Variants in GRID2 observed in about 807,000 individuals in gnomAD.
GRID2 encodes glutamate receptor ionotropic, delta-2.
GRID2 carries 33 observed loss-of-function variants against 114.8 expected under a neutral mutation model. That is an observed-to-expected ratio of 0.29 (90% CI 0.22 to 0.38). GRID2 has a LOEUF of 0.38. GRID2 is among the 10% of genes least tolerant of loss of function. The probability of loss-of-function intolerance (pLI) is 1.00; values close to 1 mark genes in which losing one functional copy is unlikely to be tolerated. For synonymous variants in GRID2, 505 were observed against 449.9 expected, an observed-to-expected ratio of 1.12 and a Z score of -1.55; for missense variants, 1,184 against 1,257.7, an observed-to-expected ratio of 0.94 and a Z score of 0.89.
intron 13 of GRID2, among the ~76,000 whole-genome samples, chr4:93,592,073 T>C (rs1384141476): frequency 2.0e-5 from 3 of 152,146 alleles, no homozygotes; most frequent in African/African-American, 7.2e-5. Context: ...CTGCTCTGAT[T>C]TTAGTTATTT....
intron 2 of GRID2, among the ~76,000 whole-genome samples, chr4:92,806,165 C>T (rs948468249): frequency 1.8e-4 from 19 of 106,116 alleles, no homozygotes; most frequent in Non-Finnish European, 1.5e-4. Flanking sequence ...AATAGGCTAT[C>T]GACACACACA....
At chr4:92,352,455 A>C (rs933175796) in intron 1 of GRID2, among the ~76,000 whole-genome samples, 6 of 151,876 alleles carry the variant, frequency 4.0e-5, no homozygotes, top group Middle Eastern at 3.4e-3. Context: ...TATTTTTCCC[A>C]TTCTGCAGGT....
chr4:93,756,765 T>C (rs138462496), intron 14 of GRID2, among the ~76,000 whole-genome samples: 1 of 152,328 alleles, frequency 6.6e-6, no homozygotes, highest in African/African-American at 2.4e-5. Flanking sequence ...ATTGAGTGCT[T>C]TTGTTTTTTA....
At chr4:92,711,925 A>G (rs1366750653) in intron 2 of GRID2, among the ~76,000 whole-genome samples, 2 of 152,174 alleles carry the variant, frequency 1.3e-5, no homozygotes, top group Admixed American at 6.5e-5. Context: ...AATGAAATAA[A>G]GAGTTCATGT....
At chr4:93,014,878 A>G (rs931068810) in intron 2 of GRID2, among the ~76,000 whole-genome samples, 5 of 152,122 alleles carry the variant, frequency 3.3e-5, no homozygotes, top group Non-Finnish European at 1.5e-5. Flanking sequence ...GAAATAGTGG[A>G]TCTGGGGGGT....
At chr4:92,539,026 A>G (rs1419769778) in intron 1 of GRID2, among the ~76,000 whole-genome samples, 1 of 147,332 alleles carries the variant, frequency 6.8e-6, no homozygotes, top group African/African-American at 2.6e-5. Flanking sequence ...TGGGCGACAG[A>G]GCAAGACTCC....
At chr4:92,758,809 G>A (rs943435787) in intron 2 of GRID2, among the ~76,000 whole-genome samples, 1 of 151,962 alleles carries the variant, frequency 6.6e-6, no homozygotes, top group African/African-American at 2.4e-5. Context: ...AGTCCATGCA[G>A]GACAGACTTA....
At chr4:92,861,295 TTAATCTCCC>T (rs1197612325) in intron 2 of GRID2, among the ~76,000 whole-genome samples, 1 of 152,148 alleles carries the variant, frequency 6.6e-6, no homozygotes, top group Non-Finnish European at 1.5e-5. Context: ...AGGCTCATCC[TTAATCTCCC>T]TATCGAAAAG....
At chr4:92,844,645 A>G (rs2149414208) in intron 2 of GRID2, among the ~76,000 whole-genome samples, 1 of 150,544 alleles carries the variant, frequency 6.6e-6, no homozygotes, top group Non-Finnish European at 1.5e-5. Flanking sequence ...ATAGCAAATG[A>G]TGAAAATTTC....
intron 3 of GRID2, among the ~76,000 whole-genome samples, chr4:93,098,879 C>G (rs1274164449): frequency 6.6e-6 from 1 of 151,610 alleles, no homozygotes; most frequent in African/African-American, 2.4e-5. Flanking sequence ...CTTACCATAT[C>G]CTCACCTCTA....
At chr4:93,339,444 G>A (rs370759417) in intron 8 of GRID2, among the ~76,000 whole-genome samples, 8 of 152,088 alleles carry the variant, frequency 5.3e-5, no homozygotes, top group African/African-American at 1.7e-4. Flanking sequence ...GCTGCAAGCC[G>A]AGAATGCCAA....
intron 2 of GRID2, among the ~76,000 whole-genome samples, chr4:92,767,208 T>C (rs951822906): frequency 2.1e-4 from 32 of 152,204 alleles, no homozygotes; most frequent in African/African-American, 7.5e-4. Context: ...TTGAAAGCAA[T>C]ATCTGGAGGA....
intron 4 of GRID2, among the ~76,000 whole-genome samples, chr4:93,170,669 A>T (rs1174767392): frequency 1.3e-5 from 2 of 152,150 alleles, no homozygotes; most frequent in East Asian, 1.9e-4. Context: ...CATAAATCCA[A>T]TTCCCAGAAA....
At position 93,225,946 on chromosome 4, in the gene GRID2, G is replaced by A. The variant is rs201617438; in HGVS notation, c.1125+1171G>A. On this transcript the variant is annotated intron_variant, in intron 7 of 15. Transcript: ENST00000282020. ...GCTGAGCAGCTGCACAAGATAGAGC[G>A]AAAAAGGGGGCCAAGACTTCCTGGA... is the stretch of plus-strand genomic sequence containing the variant. Among the ~76,000 whole-genome samples the A allele has an allele frequency of 1.4e-4, 22 of 152,140 alleles. No individual in the cohort carries two copies. The East Asian group carries it at 3.5e-3, about 24-fold the overall frequency.
intron 1 of GRID2, among the ~76,000 whole-genome samples, chr4:92,555,797 G>A (rs1333080154): frequency 6.6e-6 from 1 of 152,066 alleles, no homozygotes; most frequent in African/African-American, 2.4e-5. Context: ...TCAATTCTGT[G>A]AGGATTTTTC....
intron 8 of GRID2, among the ~76,000 whole-genome samples, chr4:93,297,765 A>G (rs1754470942): frequency 6.6e-6 from 1 of 152,222 alleles, no homozygotes; most frequent in Admixed American, 6.5e-5. Context: ...CAGGTTTGAT[A>G]GTACAACTTG....
intron 11 of GRID2, among the ~76,000 whole-genome samples, chr4:93,472,001 T>C (rs1239317168): frequency 6.6e-6 from 1 of 150,572 alleles, no homozygotes; most frequent in African/African-American, 2.4e-5. Flanking sequence ...TGCCTAGCCT[T>C]GAATTTAATA....
intron 13 of GRID2, among the ~76,000 whole-genome samples, chr4:93,612,744 A>AT (rs1207750558): frequency 2.2e-5 from 2 of 91,122 alleles, no homozygotes; most frequent in Non-Finnish European, 4.6e-5. Flanking sequence ...TGCCCTTAAC[A>AT]TTTTTTCCTT....
intron 1 of GRID2, among the ~76,000 whole-genome samples, chr4:92,558,481 T>C (rs1158752336): frequency 6.6e-6 from 1 of 152,182 alleles, no homozygotes; most frequent in East Asian, 1.9e-4. Flanking sequence ...AAGAAGCTTT[T>C]AATCTACTTG....
Sources: allele counts gnomAD v4.1 joint callset (sites outside exome capture counted in the v4.1 genomes callset), GRCh38; gene constraint gnomAD v4.1.1; transcripts MANE v1.5; gene names NCBI Gene and HGNC (gene_info 2026-07-23, HGNC 2026-07-21).